Variants in SMG6 observed in about 807,000 individuals in gnomAD.
SMG6 encodes telomerase-binding protein EST1A.
Under a neutral mutation model 142.2 loss-of-function variants are expected in SMG6, and 66 were observed. The observed-to-expected ratio is 0.46, with a 90% CI of 0.38 to 0.57. SMG6 has a LOEUF of 0.57. SMG6 is among the 20% of genes least tolerant of loss of function. The pLI is 0.00. For missense variants in SMG6, 1,793 were observed against 1,832.0 expected (o/e 0.98, Z 0.39); for synonymous variants, 779 against 702.4 (o/e 1.11, Z -1.72).
intron 16 of SMG6, among the ~76,000 whole-genome samples, chr17:2,066,305 CATGT>C (rs944147224): frequency 2.1e-4 from 31 of 149,592 alleles, no homozygotes; most frequent in South Asian, 6.3e-4. Context: ...TGCGTGTGTA[CATGT>C]ATGTGTGTGT....
At chr17:2,183,393 C>G (rs1264566556) in intron 12 of SMG6, among the ~76,000 whole-genome samples, 1 of 152,188 alleles carries the variant, frequency 6.6e-6, no homozygotes, top group Admixed American at 6.5e-5. Flanking sequence ...TGAACACACA[C>G]AGTGACACTA....
At chr17:2,236,926 C>A in intron 9 of SMG6, 2 of 805,652 alleles carry the variant, frequency 2.5e-6, no homozygotes, top group Non-Finnish European at 3.1e-6. Context: ...TTCCTCACCC[C>A]TGGCAATAAC....
chr17:2,299,668 T>C lies in SMG6; in HGVS notation c.1085A>G (p.Glu362Gly), dbSNP rs2075228538. The change falls in exon 2 of 19, where the codon GAG becomes GGG. Residue 362 changes from glutamate (E) to glycine (G), a missense_variant. By Grantham distance (98) the Glu-to-Gly change is moderately conservative (BLOSUM62 -2). This residue lies in a region of SMG6 where 1,597 missense variants were observed against 1,584.6 expected (regional missense o/e 1.01). Transcript: ENST00000263073. This position sits in a 1 kb window ranked among gnomAD's most constrained non-coding sequence, Gnocchi z 4.3. ...VTFDAEAMNK[E>G]SPMVRSARDD... ...CCTGGCTGACCTCACCATGGGAGAC[T>C]CTTTGTTCATGGCTTCTGCATCGAA... The C allele has an allele frequency of 1.2e-6, 2 of 1,614,090 alleles. No individual in the cohort carries two copies. Among genetic ancestry groups the C allele is most frequent in the African/African-American group, 1.3e-5 (1 of 74,930 alleles).
At chr17:2,178,322 G>A (rs983792442) in intron 12 of SMG6, among the ~76,000 whole-genome samples, 1 of 152,184 alleles carries the variant, frequency 6.6e-6, no homozygotes, top group African/African-American at 2.4e-5. Flanking sequence ...CATTCCAGGA[G>A]TTAAGATATG....
intron 13 of SMG6, chr17:2,087,063 G>A (rs1367494726): frequency 6.2e-6 from 8 of 1,290,312 alleles, no homozygotes; most frequent in South Asian, 3.7e-5. Flanking sequence ...CAGCACATAG[G>A]GAAGTACTAA....
At chr17:2,136,719 C>T (rs1418496677) in intron 13 of SMG6, among the ~76,000 whole-genome samples, 1 of 151,720 alleles carries the variant, frequency 6.6e-6, no homozygotes, top group African/African-American at 2.4e-5. Context: ...AAAGGCCTCA[C>T]CTTTTTTTCC....
Position 2,085,917 on chromosome 17 carries a change from G to C in SMG6, c.3358-16C>G, listed in dbSNP as rs752981927. 5 of 1,612,016 alleles carry C rather than the reference G, an allele frequency of 3.1e-6. No homozygotes were observed. Among genetic ancestry groups the C allele is most frequent in the Non-Finnish European group, 4.2e-6 (5 of 1,179,212 alleles). ...CTGCAATAACCTACAGGGTGAGAGGGAGAGAAGAAAAACAGCATTTTCTGA... is the reference window on the plus strand; with the variant it reads ...CTGCAATAACCTACAGGGTGAGAGGCAGAGAAGAAAAACAGCATTTTCTGA... On this transcript the variant is annotated splice_polypyrimidine_tract_variant and intron_variant, in intron 13 of 18. Transcript: ENST00000263073. The surrounding 1 kb of genome is among the most constrained non-coding windows in gnomAD (Gnocchi z 4.1).
At chr17:2,246,728 T>C (rs2073935761) in intron 8 of SMG6, among the ~76,000 whole-genome samples, 1 of 152,128 alleles carries the variant, frequency 6.6e-6, no homozygotes, top group East Asian at 1.9e-4. Flanking sequence ...GGTGGATCAA[T>C]TGAGGTCAGG....
chr17:2,215,071 G>C (rs1220446827), intron 10 of SMG6, among the ~76,000 whole-genome samples: 1 of 152,166 alleles, frequency 6.6e-6, no homozygotes, highest in African/African-American at 2.4e-5. Flanking sequence ...GCTAACACTA[G>C]CTTTGGATAA....
chr17:2,098,129 C>T (rs372386511), intron 13 of SMG6, among the ~76,000 whole-genome samples: 40 of 152,248 alleles, frequency 2.6e-4, no homozygotes, highest in African/African-American at 9.4e-4. Flanking sequence ...GCTGGGACTA[C>T]AAGCACGTGC....
chr17:2,266,003 T>C (rs1454738170), intron 8 of SMG6: 2 of 985,322 alleles, frequency 2.0e-6, no homozygotes, highest in African/African-American at 3.5e-5. Context: ...TCAGGTGCTT[T>C]AGGTTTTCTT....
chr17:2,180,054 C>T (rs2071759413), intron 12 of SMG6, among the ~76,000 whole-genome samples: 1 of 152,234 alleles, frequency 6.6e-6, no homozygotes, highest in Non-Finnish European at 1.5e-5. Context: ...GGCTGTCCCA[C>T]TGCCCTAGCC....
intron 8 of SMG6, among the ~76,000 whole-genome samples, chr17:2,262,872 A>G (rs1318147906): frequency 6.6e-6 from 1 of 152,226 alleles, no homozygotes; most frequent in Non-Finnish European, 1.5e-5. Flanking sequence ...TGGGACAGGG[A>G]AAAACTTGAT....
intron 13 of SMG6, among the ~76,000 whole-genome samples, chr17:2,112,023 A>G (rs757789771): frequency 3.9e-5 from 6 of 152,188 alleles, no homozygotes; most frequent in South Asian, 2.1e-4. Flanking sequence ...ACAAATCTCT[A>G]TATGTCTGCC....
intron 13 of SMG6, among the ~76,000 whole-genome samples, chr17:2,157,361 C>T (rs924839032): frequency 6.6e-6 from 1 of 152,184 alleles, no homozygotes; most frequent in Admixed American, 6.5e-5. Flanking sequence ...ATTAAAAGTT[C>T]CCTGCCCCAC....
chr17:2,141,386 T>C (rs144319173), intron 13 of SMG6, among the ~76,000 whole-genome samples: 23 of 152,318 alleles, frequency 1.5e-4, no homozygotes, highest in Admixed American at 1.2e-3. Context: ...TTGAGAAAAC[T>C]TTTAAAAAAT....
intron 13 of SMG6, among the ~76,000 whole-genome samples, chr17:2,096,794 C>A (rs751989137): frequency 1.3e-4 from 20 of 152,150 alleles, no homozygotes; most frequent in Non-Finnish European, 1.6e-4. Flanking sequence ...AGATGCAGTC[C>A]TTGACTTCAC....
At chr17:2,141,313 C>T (rs572756325) in intron 13 of SMG6, among the ~76,000 whole-genome samples, 9 of 152,176 alleles carry the variant, frequency 5.9e-5, no homozygotes, top group East Asian at 1.9e-4. Context: ...GAAAAGAAAA[C>T]GTAAAGAGAA....
At chr17:2,172,111 C>T (rs1219460835) in intron 13 of SMG6, among the ~76,000 whole-genome samples, 5 of 152,138 alleles carry the variant, frequency 3.3e-5, no homozygotes, top group African/African-American at 4.8e-5. Context: ...GCAAGAAAAA[C>T]GTTCAGGTTA....
Sources: gnomAD v4.1 joint callset for allele counts (sites outside exome capture counted in the v4.1 genomes callset) on GRCh38, gnomAD v4.1.1 for gene constraint, gnomAD v4.1.1 regional missense constraint, Gnocchi (gnomAD v3.1) non-coding constraint, MANE v1.5 for transcripts, NCBI Gene and HGNC (gene_info 2026-07-23, HGNC 2026-07-21) for gene names.